Variants in IRS1 observed in about 807,000 individuals in gnomAD.
IRS1 encodes the protein insulin receptor substrate 1.
Under a neutral mutation model 65.6 loss-of-function variants are expected in IRS1, and 34 were observed. The ratio of observed to expected loss-of-function variants is 0.52; its 90% confidence interval spans 0.39 to 0.69. The LOEUF (loss-of-function observed/expected upper bound fraction) is 0.69. Among genes scored for constraint, IRS1 ranks in the 30% least tolerant of loss-of-function variants. IRS1 has a pLI of 0.00. For synonymous variants in IRS1, 699 were observed against 683.5 expected, an observed-to-expected ratio of 1.02 and a Z score of -0.35; for missense variants, 1,641 against 1,720.2, an observed-to-expected ratio of 0.95 and a Z score of 0.81.
rs1447919275 is a variant in IRS1, at chr2:226,795,831, G to A, written c.2908C>T (p.Pro970Ser). Residue 970 changes from proline (P) to serine (S), a missense_variant, in exon 1 of 2, where the codon CCC becomes TCC. By Grantham distance (74) the Pro-to-Ser change is moderately conservative (BLOSUM62 -1). Around this residue, in one of 3 missense-constraint regions of IRS1, gnomAD observed 1,324 missense variants for 1,361.0 expected, o/e 0.97. Coordinates refer to ENST00000305123, the MANE Select transcript of IRS1 (RefSeq NM_005544.3). ...VEMGRLGPAP[P>S]GAASICRPTR... is the part of the protein sequence containing the mutation. ...GGCCTGCAAATGCTAGCAGCCCCGG[G>A]AGGTGCAGGGCCCAGTCTGCCCATC... The A allele has an allele frequency of 2.5e-6, 4 of 1,613,066 alleles. No individual in the cohort carries two copies.
chr2:226,798,318 C>G lies in IRS1; in HGVS notation c.421G>C (p.Gly141Arg), dbSNP rs779847464. The change falls in exon 1 of 2, where the codon GGC (glycine) becomes CGC (arginine). Residue 141 changes from glycine (G) to arginine (R), a missense_variant. Transcript: ENST00000305123. The surrounding 1 kb of genome is among the most constrained non-coding windows in gnomAD (Gnocchi z 9.4). Reference protein sequence around the residue: ...GGGGSCSGSSGLGEAGEDLSY... With the variant: ...GGGGSCSGSSRLGEAGEDLSY... ...AAGTCCTCCCCAGCCTCACCAAGGC[C>G]GGAGCTGCCGCTGCAGCTGCCCCCA... The G allele has an allele frequency of 3.9e-5, 63 of 1,613,148 alleles. 1 individual carries two copies. Among genetic ancestry groups the G allele is most frequent in the Non-Finnish European group, 5.2e-5 (61 of 1,179,896 alleles).
intron 1 of IRS1, among the ~76,000 whole-genome samples, chr2:226,759,834 T>C (rs919890978): frequency 2.6e-5 from 4 of 152,240 alleles, no homozygotes; most frequent in Admixed American, 2.0e-4. Context: ...TGAAATGTTT[T>C]GTCTCCTAGC....
chr2:226,766,395 C>T (rs1939049671), intron 1 of IRS1, among the ~76,000 whole-genome samples: 1 of 151,094 alleles, frequency 6.6e-6, no homozygotes, highest in African/African-American at 2.4e-5. Flanking sequence ...AACTCCTGGC[C>T]TCAAGTGATC....
intron 1 of IRS1, among the ~76,000 whole-genome samples, chr2:226,761,845 A>G (rs1938920462): frequency 6.6e-6 from 1 of 152,236 alleles, no homozygotes; most frequent in African/African-American, 2.4e-5. Context: ...ACAAAGCCAT[A>G]AGTACAGACA....
rs140043122 is a variant in IRS1 at position 226,738,693 on chromosome 2, C to A, written c.*22-2443G>T. 8.7e-3 allele frequency among the ~76,000 whole-genome samples: 1,319 copies of A among 152,262 alleles called. 13 individuals are homozygous for A. Among genetic ancestry groups the A allele is most frequent in the African/African-American group, 0.03 (1,249 of 41,546 alleles). ...AAACTCCCCACAACAAGCTCCAGAT[C>A]TCTTATTTACTGTCAAGATTCTCCT... On this transcript the variant is annotated intron_variant, in intron 1 of 1. Coordinates refer to ENST00000305123, the MANE Select transcript of IRS1 (RefSeq NM_005544.3).
chr2:226,769,402 ACT>A (rs1939120237), intron 1 of IRS1, among the ~76,000 whole-genome samples: 1 of 152,194 alleles, frequency 6.6e-6, no homozygotes, highest in South Asian at 2.1e-4. Flanking sequence ...CTGCTGCAAG[ACT>A]GCCCGGAGTG....
chr2:226,793,660 T>C (rs1939652657), intron 1 of IRS1, among the ~76,000 whole-genome samples: 1 of 152,232 alleles, frequency 6.6e-6, no homozygotes, highest in African/African-American at 2.4e-5. Flanking sequence ...CAGATTAATT[T>C]CTTATGAATG....
intron 1 of IRS1, among the ~76,000 whole-genome samples, chr2:226,757,580 T>C (rs1322254844): frequency 6.6e-6 from 1 of 151,790 alleles, no homozygotes; most frequent in Non-Finnish European, 1.5e-5. Flanking sequence ...AGAAATAGAG[T>C]CTTGTGTCCA....
chr2:226,752,371 T>G (rs1176754186), intron 1 of IRS1, among the ~76,000 whole-genome samples: 1 of 152,232 alleles, frequency 6.6e-6, no homozygotes, highest in East Asian at 1.9e-4. Flanking sequence ...AAACAGGCCC[T>G]GAATCAACAG....
intron 1 of IRS1, among the ~76,000 whole-genome samples, chr2:226,747,454 C>A (rs748433134): frequency 7.2e-5 from 11 of 152,152 alleles, no homozygotes; most frequent in African/African-American, 2.4e-4. Flanking sequence ...AATAAGAAGA[C>A]GGCCATCGTA....
chr2:226,757,263 C>T (rs1938823321), intron 1 of IRS1, among the ~76,000 whole-genome samples: 1 of 152,122 alleles, frequency 6.6e-6, no homozygotes, highest in African/African-American at 2.4e-5. Context: ...TGGTTCTGGG[C>T]ATTCAGTAGG....
At chr2:226,777,084 T>C (rs760453494) in intron 1 of IRS1, among the ~76,000 whole-genome samples, 1 of 152,226 alleles carries the variant, frequency 6.6e-6, no homozygotes, top group Non-Finnish European at 1.5e-5. Flanking sequence ...TGTGGTATCC[T>C]GGATGAGACC....
intron 1 of IRS1, among the ~76,000 whole-genome samples, chr2:226,774,185 T>A (rs1040072711): frequency 2.6e-5 from 4 of 152,168 alleles, no homozygotes; most frequent in Non-Finnish European, 5.9e-5. Context: ...TAAGAAAGAA[T>A]AAAAATGTTG....
At chr2:226,760,549 A>G (rs1487681250) in intron 1 of IRS1, among the ~76,000 whole-genome samples, 1 of 152,188 alleles carries the variant, frequency 6.6e-6, no homozygotes, top group Non-Finnish European at 1.5e-5. Context: ...TAAGCCCCTA[A>G]AAATGCAACC....
At chr2:226,750,318 C>A (rs1938651158) in intron 1 of IRS1, among the ~76,000 whole-genome samples, 1 of 150,632 alleles carries the variant, frequency 6.6e-6, no homozygotes, top group South Asian at 2.1e-4. Flanking sequence ...TTAGTAGTAG[C>A]ACTAGGGTGA....
rs368766119 is a variant in IRS1, at chr2:226,797,920, C to G, written c.819G>C (p.Ser273=). The G allele has an allele frequency of 5.6e-6, 9 of 1,613,750 alleles. No individual in the cohort carries two copies. In the African/African-American group the frequency reaches 9.3e-5, roughly 17 times the overall value. The change falls in exon 1 of 2, where the codon TCG becomes TCC. Residue 273 remains serine, a synonymous_variant. Coordinates refer to ENST00000305123, the MANE Select transcript of IRS1 (RefSeq NM_005544.3). This position sits in a 1 kb window ranked among gnomAD's most constrained non-coding sequence, Gnocchi z 8.1. ...CGCTGATGGGGTTAGAGCAGTTGGA[C>G]GAGGACTGGCTCTTGCTGCGAGGGC... is the stretch of plus-strand genomic sequence containing the variant. ...EFRPRSKSQS[S]SNCSNPISVP... is the part of the protein sequence containing the mutation.
intron 1 of IRS1, among the ~76,000 whole-genome samples, chr2:226,791,485 A>G (rs1012056825): frequency 2.0e-5 from 3 of 152,156 alleles, no homozygotes; most frequent in African/African-American, 7.2e-5. Context: ...GGACTTTTTC[A>G]TTCTTAGGAT....
Position 226,799,587 on chromosome 2 carries a change from G to A in IRS1, c.-849C>T, listed in dbSNP as rs1029692901. The A allele has an allele frequency of 2.0e-6, 2 of 1,025,448 alleles. No homozygotes were observed. The highest frequency in any genetic ancestry group is 5.9e-5 in the Admixed American group (1 of 17,024). The allele number at this position is 1,025,448 out of a possible 1,614,324, so 63.5% of individuals were successfully genotyped here. A position where few individuals can be genotyped will look rare whatever the true frequency, so the allele number is the denominator to read the frequency against. ...GGGACAAGGGCGAGAGGGGATGGGG[G>A]AGGTTTGGGAAGGGTTCGGGGAAGA... On this transcript the variant is annotated 5_prime_UTR_variant, in exon 1 of 2. Transcript: ENST00000305123. This position sits in a 1 kb window ranked among gnomAD's most constrained non-coding sequence, Gnocchi z 6.1.
intron 1 of IRS1, among the ~76,000 whole-genome samples, chr2:226,744,825 T>C (rs184484671): frequency 2.0e-5 from 3 of 152,308 alleles, no homozygotes; most frequent in East Asian, 3.9e-4. Context: ...GAAGCCATCA[T>C]CTTACAGAAG....
Sources: gnomAD v4.1 joint callset for allele counts (sites outside exome capture counted in the v4.1 genomes callset) on GRCh38, gnomAD v4.1.1 for gene constraint, gnomAD v4.1.1 regional missense constraint, Gnocchi (gnomAD v3.1) non-coding constraint, MANE v1.5 for transcripts, NCBI Gene and HGNC (gene_info 2026-07-23, HGNC 2026-07-21) for gene names.